Variants in DCHS1 observed in about 807,000 individuals in gnomAD.
The protein encoded by DCHS1 is protocadherin-16.
DCHS1 carries 78 observed loss-of-function variants against 213.9 expected under a neutral mutation model. The observed-to-expected ratio is 0.36, with a 90% confidence interval of 0.30 to 0.44. The LOEUF (loss-of-function observed/expected upper bound fraction) is 0.44. DCHS1 is among the 20% of genes least tolerant of loss of function. DCHS1 has a pLI of 1.00. For missense variants in DCHS1, 3,946 were observed against 4,395.9 expected (o/e 0.90, Z 2.89); for synonymous variants, 1,828 against 1,873.7 (o/e 0.98, Z 0.63).
rs150354113 is a variant in DCHS1, at chr11:6,623,830, G to T, written c.7846C>A (p.Pro2616Thr). ...ACATGCAGCAGCTCAGCTCCAACAGGTGTGTCCTCAGGTACTGTCACACGG... is the reference window on the plus strand; with the variant it reads ...ACATGCAGCAGCTCAGCTCCAACAGTTGTGTCCTCAGGTACTGTCACACGG... ...SYRVTVPEDT[P>T]VGAELLHVEA... is the part of the protein sequence containing the mutation. The change falls in exon 21 of 21, where the codon CCT (proline) becomes ACT (threonine). Residue 2616 changes from proline (P) to threonine (T), a missense_variant. Physicochemically the swap from Pro to Thr is conservative, Grantham distance 38. Coordinates refer to ENST00000299441, the MANE Select transcript of DCHS1 (RefSeq NM_003737.4). 5 of 1,613,486 alleles carry T rather than the reference G, an allele frequency of 3.1e-6. No homozygotes were observed. The African/African-American group carries it at 6.7e-5, about 22-fold the overall frequency.
intron 1 of DCHS1, among the ~76,000 whole-genome samples, chr11:6,647,934 T>C (rs1275338685): frequency 6.6e-6 from 1 of 152,024 alleles, no homozygotes; most frequent in Non-Finnish European, 1.5e-5. Context: ...ACATGAAAGA[T>C]GTGAGGAGGT....
In DCHS1 at chr11:6,626,616, T is replaced by A. The variant is rs2134618286; in HGVS notation, c.6300A>T (p.Gly2100=). 2 of 1,613,832 alleles carry A rather than the reference T, an allele frequency of 1.2e-6. No individual in the cohort carries two copies. Among genetic ancestry groups the A allele is most frequent in the Non-Finnish European group, 1.7e-6 (2 of 1,179,846 alleles). ...CACTGAGAATGCTGTAGGTGATGGG[T>A]CCATTTGTGCCTCCTGCATGGACGG... ...PRAVHAGGTN[G]PITYSILSGN... The change falls in exon 15 of 21, where the codon GGA becomes GGT. Residue 2100 remains glycine (G), a synonymous_variant. Coordinates refer to ENST00000299441, the MANE Select transcript of DCHS1 (RefSeq NM_003737.4). The surrounding 1 kb of genome is among the most constrained non-coding windows in gnomAD (Gnocchi z 5.2).
intron 1 of DCHS1, among the ~76,000 whole-genome samples, chr11:6,649,188 A>G (rs1856209533): frequency 6.6e-6 from 1 of 151,408 alleles, no homozygotes; most frequent in African/African-American, 2.4e-5. Flanking sequence ...AAGGTAGCAG[A>G]GAGACATTTA....
At position 6,623,009 on chromosome 11, in the gene DCHS1, C is replaced by A; in HGVS notation, c.8667G>T (p.Arg2889=). The A allele has an allele frequency of 6.4e-7, 1 of 1,571,158 alleles. No individual in the cohort carries two copies. The highest frequency in any genetic ancestry group is 1.4e-5 in the African/African-American group (1 of 73,900). ...GCTCCCGTGGTGCTTCCCGCCGGGTCCGGCCCCCACCCCCAGAGGTGGCTG... is the reference window on the plus strand; with the variant it reads ...GCTCCCGTGGTGCTTCCCGCCGGGTACGGCCCCCACCCCCAGAGGTGGCTG... ...SGTATSGGGG[R]TRREAPRELR... is the part of the protein sequence containing the mutation. Residue 2889 remains arginine (R), a synonymous_variant, in exon 21 of 21, where the codon CGG becomes CGT. Transcript: ENST00000299441.
chr11:6,638,756 A>C (rs1174632776), intron 2 of DCHS1, among the ~76,000 whole-genome samples: 1 of 152,132 alleles, frequency 6.6e-6, no homozygotes, highest in Non-Finnish European at 1.5e-5. Context: ...TACAGTAGTT[A>C]AATAAAATCT....
rs774783407 is a variant in DCHS1, at chr11:6,632,969, G to A, written c.2543C>T (p.Thr848Ile). The change falls in exon 6 of 21, where the codon ACA becomes ATA. Residue 848 changes from threonine to isoleucine, a missense_variant. By Grantham distance (89) the Thr-to-Ile change is moderately conservative (BLOSUM62 -1). Around this residue, in one of 3 missense-constraint regions of DCHS1, gnomAD observed 3,384 missense variants for 3,780.1 expected, o/e 0.90. Transcript: ENST00000299441. This position sits in a 1 kb window ranked among gnomAD's most constrained non-coding sequence, Gnocchi z 5.9. ...TAGCTCCCGGTCCAGAGGGCGAAGT[G>A]TTTGCAACAGTCCTGATACCGCATC... ...SLDAVSGLLQ[T>I]LRPLDRELLG... 3 of 1,614,026 alleles carry A rather than the reference G, an allele frequency of 1.9e-6. No individual in the cohort carries two copies. The highest frequency in any genetic ancestry group is 2.5e-6 in the Non-Finnish European group (3 of 1,179,890).
intron 1 of DCHS1, among the ~76,000 whole-genome samples, chr11:6,652,479 T>C (rs945381058): frequency 2.6e-5 from 4 of 152,124 alleles, no homozygotes; most frequent in Non-Finnish European, 5.9e-5. Context: ...ATTACAGGGT[T>C]AAAGAAAGAT....
chr11:6,628,931 A>G lies in DCHS1; in HGVS notation c.5162-101T>C. The G allele has an allele frequency of 7.9e-7, 1 of 1,270,530 alleles. No individual in the cohort carries two copies. 78.7% of individuals were successfully genotyped at this position (1,270,530 alleles called of 1,614,324 possible). ...CATGTTCACTAGGTGCACACAAACCAGAAAATGTCCATCTCTCCATACCTC... is the reference window on the plus strand; with the variant it reads ...CATGTTCACTAGGTGCACACAAACCGGAAAATGTCCATCTCTCCATACCTC... On this transcript the variant is annotated intron_variant, in intron 12 of 20. Transcript: ENST00000299441. The surrounding 1 kb of genome is among the most constrained non-coding windows in gnomAD (Gnocchi z 4.3).
At chr11:6,631,515 C>A in intron 7 of DCHS1, 101 bp downstream of exon 7, 3 of 1,583,266 alleles carry the variant, frequency 1.9e-6, no homozygotes, top group Non-Finnish European at 1.7e-6. Context: ...GGCTCTCACA[C>A]CCAATCCAGG....
At chr11:6,631,001 G>A in intron 9 of DCHS1, 52 bp downstream of exon 9, 1 of 1,552,350 alleles carries the variant, frequency 6.4e-7, no homozygotes, top group Non-Finnish European at 8.7e-7. Context: ...TGAAGCTGGA[G>A]CTACTGAAGG....
rs1856059843 is a variant in DCHS1, at chr11:6,640,797, G to A, written c.817C>T (p.Pro273Ser). The A allele has an allele frequency of 1.9e-6, 3 of 1,614,060 alleles. No homozygotes were observed. Among genetic ancestry groups the A allele is most frequent in the Non-Finnish European group, 2.5e-6 (3 of 1,179,904 alleles). Residue 273 changes from proline to serine, a missense_variant, in exon 2 of 21, where the codon CCT becomes TCT. This residue lies in a region of DCHS1 where 3,384 missense variants were observed against 3,780.1 expected (regional missense o/e 0.90). Coordinates refer to ENST00000299441, the MANE Select transcript of DCHS1 (RefSeq NM_003737.4). The surrounding 1 kb of genome is among the most constrained non-coding windows in gnomAD (Gnocchi z 6.5). The part of the protein sequence containing the change: ...VVSESLAPGS[P>S]VLQVFASDAD... The stretch of plus-strand genomic sequence containing the variant: ...TCAGATGCGAACACCTGCAAGACAG[G>A]ACTGCCAGGGGCCAGGCTCTCAGAC...
Position 6,631,740 on chromosome 11 carries a change from T to C in DCHS1, c.3551A>G (p.Gln1184Arg), listed in dbSNP as rs776314446. Residue 1184 changes from glutamine to arginine, a missense_variant, in exon 7 of 21, where the codon CAG (glutamine) becomes CGG (arginine). Coordinates refer to ENST00000299441, the MANE Select transcript of DCHS1 (RefSeq NM_003737.4). Reference sequence around the variant, plus strand: ...GCTGCGGGGTGGGCTCCCTCCATCCTGCACCTGCACCAGGAGCTGATAGCT... The same window carrying C: ...GCTGCGGGGTGGGCTCCCTCCATCCCGCACCTGCACCAGGAGCTGATAGCT... ...QSSYQLLVQVQDGGSPPRSTT... is the reference protein window; with the variant it reads ...QSSYQLLVQVRDGGSPPRSTT... 26 of 1,606,190 alleles carry C rather than the reference T, an allele frequency of 1.6e-5. No individual in the cohort carries two copies. The highest frequency in any genetic ancestry group is 2.1e-5 in the Non-Finnish European group (25 of 1,176,106).
chr11:6,624,682 C>T, intron 20 of DCHS1, 48 bp downstream of exon 20: 1 of 1,611,574 alleles, frequency 6.2e-7, no homozygotes, highest in Non-Finnish European at 8.5e-7. Context: ...GGTCAGATTA[C>T]AGCCCAACAC....
chr11:6,630,416 C>T lies in DCHS1; in HGVS notation c.4378G>A (p.Ala1460Thr). Residue 1460 changes from alanine (A) to threonine (T), a missense_variant, in exon 10 of 21, where the codon GCG (alanine) becomes ACG (threonine). Coordinates refer to ENST00000299441, the MANE Select transcript of DCHS1 (RefSeq NM_003737.4). ...EPGAALYTFRASDADGPGPNS... is the reference protein window; with the variant it reads ...EPGAALYTFRTSDADGPGPNS... ...GGGCCGGGGCCGTCGGCGTCCGACG[C>T]GCGGAAAGTGTACAGCGCTGCGCCG... 1 of 1,448,238 alleles carries T rather than the reference C, an allele frequency of 6.9e-7. No homozygotes were observed. Among genetic ancestry groups the T allele is most frequent in the Non-Finnish European group, 9.0e-7 (1 of 1,106,360 alleles). The allele number at this position is 1,448,238 out of a possible 1,614,324, so 89.7% of individuals were successfully genotyped here. A position where few individuals can be genotyped will look rare whatever the true frequency, so the allele number is the denominator to read the frequency against.
chr11:6,624,893 T>C lies in DCHS1; in HGVS notation c.7147-25A>G, dbSNP rs747329572. 8 of 1,612,470 alleles carry C rather than the reference T, an allele frequency of 5.0e-6. No homozygotes were observed. In the Admixed American group the frequency reaches 1.0e-4, roughly 20 times the overall value. ...CCTGAAGTGTGAGGAAAAGTGCTTA[T>C]TGCCAGGCTTCCCATTTGCCCTGCT... On this transcript the variant is annotated intron_variant, in intron 19 of 20. Coordinates refer to ENST00000299441, the MANE Select transcript of DCHS1 (RefSeq NM_003737.4).
rs772951719 is a variant in DCHS1, at chr11:6,625,218, A to AGG, written c.7124_7125dup (p.Phe2376ProfsTer9). On this transcript the variant is annotated frameshift_variant, in exon 19 of 21. Coordinates refer to ENST00000299441, the MANE Select transcript of DCHS1 (RefSeq NM_003737.4). LOFTEE classifies it high-confidence loss of function. This position sits in a 1 kb window ranked among gnomAD's most constrained non-coding sequence, Gnocchi z 5.3. The stretch of plus-strand genomic sequence containing the variant: ...AATACCTGGTAGAGGCTCTGTGAGA[A>AGG]GGCAGGTGCATTGTCATTGACATCC... The AGG allele has an allele frequency of 6.3e-7, 1 of 1,599,398 alleles. No homozygotes were observed. The highest frequency in any genetic ancestry group is 8.5e-7 in the Non-Finnish European group (1 of 1,171,564).
chr11:6,626,849 G>T lies in DCHS1; in HGVS notation c.6190C>A (p.Arg2064Ser). 6.2e-7 allele frequency: 1 copy of T among 1,613,316 alleles called. No individual in the cohort carries two copies. Among genetic ancestry groups the T allele is most frequent in the Non-Finnish European group, 8.5e-7 (1 of 1,179,868 alleles). Residue 2064 changes from arginine to serine, a missense_variant, in exon 14 of 21, where the codon CGT (arginine) becomes AGT (serine). Arg to Ser is a moderately radical substitution (Grantham distance 110). This residue lies in a region of DCHS1 where 3,384 missense variants were observed against 3,780.1 expected (regional missense o/e 0.90). Transcript: ENST00000299441. This position sits in a 1 kb window ranked among gnomAD's most constrained non-coding sequence, Gnocchi z 5.2. ...CTAGCCCGGGGAAAGCGGGGTCCAC[G>T]CTCAGCTTCCCCCTGCAGTCCAACA... ...IIVGLQGEAE[R>S]GPRFPRASSE...
chr11:6,621,594 A>C lies in DCHS1; in HGVS notation c.*185T>G, dbSNP rs1213922477. On this transcript the variant is annotated 3_prime_UTR_variant, in exon 21 of 21. Coordinates refer to ENST00000299441, the MANE Select transcript of DCHS1 (RefSeq NM_003737.4). ...CATTGGACCTGGTCACAGGTCAGTGAGCAACAGGGCTTCTGTGGTCCTAGT... is the reference window on the plus strand; with the variant it reads ...CATTGGACCTGGTCACAGGTCAGTGCGCAACAGGGCTTCTGTGGTCCTAGT... 3 of 745,386 alleles carry C rather than the reference A, an allele frequency of 4.0e-6. No individual in the cohort carries two copies. The highest frequency in any genetic ancestry group is 7.1e-6 in the Non-Finnish European group (3 of 425,496). 46.2% of individuals were successfully genotyped at this position (745,386 alleles called of 1,614,324 possible).
Position 6,632,423 on chromosome 11 carries a change from C to A in DCHS1, c.3089G>T (p.Gly1030Val). Residue 1030 changes from glycine to valine, a missense_variant, in exon 6 of 21, where the codon GGC becomes GTC. This residue lies in a region of DCHS1 where 3,384 missense variants were observed against 3,780.1 expected (regional missense o/e 0.90). Coordinates refer to ENST00000299441, the MANE Select transcript of DCHS1 (RefSeq NM_003737.4). The surrounding 1 kb of genome is among the most constrained non-coding windows in gnomAD (Gnocchi z 5.9). ...TGCTGCAAGGTGATAGGTGATAGGGCCCCCATCTGGTGCTTGGGCCTGCAC... is the reference window on the plus strand; with the variant it reads ...TGCTGCAAGGTGATAGGTGATAGGGACCCCATCTGGTGCTTGGGCCTGCAC... ...LQVQAQAPDG[G>V]PITYHLAAEG... 1 of 1,610,878 alleles carries A rather than the reference C, an allele frequency of 6.2e-7. No individual in the cohort carries two copies. Among genetic ancestry groups the A allele is most frequent in the Non-Finnish European group, 8.5e-7 (1 of 1,177,838 alleles).
Sources: gnomAD v4.1 joint callset for allele counts (sites outside exome capture counted in the v4.1 genomes callset) on GRCh38, gnomAD v4.1.1 for gene constraint, gnomAD v4.1.1 regional missense constraint, Gnocchi (gnomAD v3.1) non-coding constraint, MANE v1.5 for transcripts, NCBI Gene and HGNC (gene_info 2026-07-23, HGNC 2026-07-21) for gene names.